Variants in TSPAN32 observed in about 807,000 individuals in gnomAD.
TSPAN32 encodes the protein tetraspanin 32, also known as tetraspanin-32.
A neutral mutation model predicts 42.7 loss-of-function variants in TSPAN32; 47 were observed. The observed-to-expected ratio is 1.10, with a 90% CI of 0.87 to 1.40. The LOEUF (loss-of-function observed/expected upper bound fraction) is 1.40. TSPAN32 is among the 40% of genes most tolerant of loss of function. The pLI is 0.00. For missense variants in TSPAN32, 469 were observed against 424.1 expected, an observed-to-expected ratio of 1.11 and a Z score of -0.93; for synonymous variants, 175 against 175.9, an observed-to-expected ratio of 0.99 and a Z score of 0.04.
chr11:2,305,384 A>G (rs11823682), intron 3 of TSPAN32, among the ~76,000 whole-genome samples: 22,311 of 122,136 alleles, frequency 0.18, 1,998 homozygotes, highest in African/African-American at 0.27. Flanking sequence ...CCCCCCCCAG[A>G]GGGTGTGTGG....
chr11:2,308,947 G>A (rs374007908), intron 4 of TSPAN32, 137 bp downstream of exon 4: 21 of 645,772 alleles, frequency 3.3e-5, no homozygotes, highest in African/African-American at 9.2e-5. Context: ...GGGGGAGACC[G>A]CAGCCTGGGT....
intron 1 of TSPAN32, 80 bp downstream of exon 1, chr11:2,302,295 T>C (rs1301759228): frequency 7.7e-7 from 1 of 1,306,778 alleles, no homozygotes; most frequent in African/African-American, 1.5e-5. Context: ...AGCACAGGGA[T>C]TATCCCTCCC....
Position 2,317,967 on chromosome 11 carries a change from G to A in TSPAN32, c.*43G>A. ...CTGCACTCTCACCTGGAGGCTCCGG[G>A]GAAGCATCTGCCTCCAGGACCATTC... is the stretch of plus-strand genomic sequence containing the variant. On this transcript the variant is annotated 3_prime_UTR_variant, in exon 10 of 10. Coordinates refer to ENST00000182290, the MANE Select transcript of TSPAN32 (RefSeq NM_139022.3). The surrounding 1 kb of genome is among the most constrained non-coding windows in gnomAD (Gnocchi z 6.2). 2.5e-6 allele frequency: 2 copies of A among 798,876 alleles called. No homozygotes were observed. Among genetic ancestry groups the A allele is most frequent in the Non-Finnish European group, 2.3e-6 (1 of 444,394 alleles). 49.5% of individuals were successfully genotyped at this position (798,876 alleles called of 1,614,324 possible).
In TSPAN32 at chr11:2,317,866, T is replaced by G; in HGVS notation, c.905T>G (p.Leu302Arg). 1.1e-5 allele frequency: 17 copies of G among 1,560,452 alleles called. No individual in the cohort carries two copies. Among genetic ancestry groups the G allele is most frequent in the Middle Eastern group, 1.7e-4 (1 of 5,930 alleles). ...LSCHLAAHRA[L>R]QGRSRGGLSG... is the part of the protein sequence containing the mutation. ...GTGCCCATTTATGATCTCGCAGCTC[T>G]CCAGGGCAGAAGTCGCGGTGGGCTC... The change falls in exon 10 of 10, where the codon CTC (leucine) becomes CGC (arginine). Residue 302 changes from leucine to arginine, a missense_variant. Physicochemically the swap from Leu to Arg is moderately radical, Grantham distance 102. Coordinates refer to ENST00000182290, the MANE Select transcript of TSPAN32 (RefSeq NM_139022.3). This position sits in a 1 kb window ranked among gnomAD's most constrained non-coding sequence, Gnocchi z 6.2.
intron 3 of TSPAN32, among the ~76,000 whole-genome samples, chr11:2,307,319 T>A (rs772799902): frequency 1.3e-5 from 2 of 152,146 alleles, no homozygotes; most frequent in Non-Finnish European, 2.9e-5. Context: ...GCACCCATGC[T>A]CCTGGCATCA....
At chr11:2,314,751 A>G in intron 6 of TSPAN32, 180 bp downstream of exon 6, 1 of 601,162 alleles carries the variant, frequency 1.7e-6, no homozygotes, top group Non-Finnish European at 3.0e-6. Context: ...GTTAGGGTTC[A>G]TGGTACGCCA....
rs376926277 is a variant in TSPAN32 at position 2,317,942 on chromosome 11, C to T, written c.*18C>T. 17 of 908,748 alleles carry T rather than the reference C, an allele frequency of 1.9e-5. No homozygotes were observed. The African/African-American group carries it at 2.3e-4, about 12-fold the overall frequency. 56.3% of individuals were successfully genotyped at this position (908,748 alleles called of 1,614,324 possible). On this transcript the variant is annotated 3_prime_UTR_variant, in exon 10 of 10. Coordinates refer to ENST00000182290, the MANE Select transcript of TSPAN32 (RefSeq NM_139022.3). This position sits in a 1 kb window ranked among gnomAD's most constrained non-coding sequence, Gnocchi z 6.2. The stretch of plus-strand genomic sequence containing the variant: ...CAGACTGACGTCAGGCCTTGGTGGG[C>T]TGCACTCTCACCTGGAGGCTCCGGG...
Position 2,313,770 on chromosome 11 carries a change from G to T in TSPAN32, c.456+15G>T, listed in dbSNP as rs376093319. The T allele has an allele frequency of 2.5e-6, 4 of 1,572,158 alleles. No individual in the cohort carries two copies. The Admixed American group carries it at 7.3e-5, about 29-fold the overall frequency. On this transcript the variant is annotated intron_variant, in intron 5 of 9. Transcript: ENST00000182290. This position sits in a 1 kb window ranked among gnomAD's most constrained non-coding sequence, Gnocchi z 9.1. ...TCCAGGACGTGGTGAGCGTGGGGAC[G>T]GCTGGGTGGCAGGGCGGTCAGCTTC...
rs767178490 is a variant in TSPAN32 at position 2,316,639 on chromosome 11, C to T, written c.691C>T (p.Arg231Cys). ...FAIRCGCSLD[R>C]KGKYTLTPRA... ...CATCCGCTGTGGCTGCAGCTTGGAC[C>T]GCAAGGGCAAATACACCCTGACCCC... The change falls in exon 8 of 10, where the codon CGC becomes TGC. Residue 231 changes from arginine to cysteine, a missense_variant. Transcript: ENST00000182290. The T allele has an allele frequency of 1.4e-5, 21 of 1,541,994 alleles. No homozygotes were observed. Among genetic ancestry groups the T allele is most frequent in the Middle Eastern group, 1.7e-4 (1 of 5,716 alleles).
intron 8 of TSPAN32, among the ~76,000 whole-genome samples, chr11:2,316,885 C>A (rs979303051): frequency 1.3e-5 from 2 of 152,058 alleles, no homozygotes; most frequent in East Asian, 3.9e-4. Flanking sequence ...CACATGGGGA[C>A]CCCCCTTTGC....
chr11:2,303,853 G>A (rs927045813), intron 2 of TSPAN32, among the ~76,000 whole-genome samples: 3 of 152,142 alleles, frequency 2.0e-5, no homozygotes, highest in Non-Finnish European at 2.9e-5. Context: ...GGGAGCATGT[G>A]GCTTCCAAGA....
At chr11:2,305,332 G>A (rs1324564074) in intron 3 of TSPAN32, among the ~76,000 whole-genome samples, 1 of 151,878 alleles carries the variant, frequency 6.6e-6, no homozygotes, top group African/African-American at 2.4e-5. Flanking sequence ...AGGGCCAGGT[G>A]GGAGGCCCCA....
rs199740795 is a variant in TSPAN32, at chr11:2,317,908, G to C, written c.947G>C (p.Arg316Pro). The C allele has an allele frequency of 5.7e-6, 7 of 1,233,282 alleles. No homozygotes were observed. In the African/African-American group the frequency reaches 5.9e-5, roughly 10 times the overall value. The allele number at this position is 1,233,282 out of a possible 1,614,324, so 76.4% of individuals were successfully genotyped here. The change falls in exon 10 of 10, where the codon CGG (arginine) becomes CCG (proline). Residue 316 changes from arginine to proline, a missense_variant. By Grantham distance (103) the Arg-to-Pro change is moderately radical (BLOSUM62 -2). Transcript: ENST00000182290. This position sits in a 1 kb window ranked among gnomAD's most constrained non-coding sequence, Gnocchi z 6.2. ...SRGGLSGCPE[R>P]GLSD ...GGTGGGCTCAGTGGGTGCCCTGAGC[G>C]GGGTCTCTCAGACTGACGTCAGGCC...
intron 4 of TSPAN32, among the ~76,000 whole-genome samples, chr11:2,311,579 T>C (rs1393657109): frequency 6.6e-6 from 1 of 152,118 alleles, no homozygotes; most frequent in Non-Finnish European, 1.5e-5. Flanking sequence ...GAGCCAGCTC[T>C]GTACCTGTGG....
Position 2,314,639 on chromosome 11 carries a change from C to G in TSPAN32, c.543+68C>G. On this transcript the variant is annotated intron_variant, in intron 6 of 9. Transcript: ENST00000182290. ...GGCTGGACACCCTGGGGCCCAACCCCAAGACCCAGGGCCATCCTCCCACCC... is the reference window on the plus strand; with the variant it reads ...GGCTGGACACCCTGGGGCCCAACCCGAAGACCCAGGGCCATCCTCCCACCC... 3.7e-6 allele frequency: 5 copies of G among 1,333,592 alleles called. No individual in the cohort carries two copies. In the South Asian group the frequency reaches 3.8e-5, roughly 10 times the overall value. The allele number at this position is 1,333,592 out of a possible 1,614,324, so 82.6% of individuals were successfully genotyped here.
intron 1 of TSPAN32, 93 bp from the exon 2 acceptor site, chr11:2,302,751 G>T (rs2133281896): frequency 1.0e-6 from 1 of 996,218 alleles, no homozygotes; most frequent in East Asian, 2.6e-5. Flanking sequence ...GGACCGGGAA[G>T]CTGGAGAGAG....
intron 4 of TSPAN32, chr11:2,309,531 C>T (rs895477742): frequency 8.4e-6 from 3 of 357,078 alleles, no homozygotes; most frequent in African/African-American, 4.2e-5. Context: ...CCAGGGCAGC[C>T]GGGCGGCACC....
At chr11:2,314,724 G>A (rs1848677212) in intron 6 of TSPAN32, 153 bp downstream of exon 6, 3 of 635,296 alleles carry the variant, frequency 4.7e-6, no homozygotes, top group Non-Finnish European at 8.3e-6. Flanking sequence ...GGAAGGTTCT[G>A]ATGTGATCGG....
At chr11:2,316,486 GC>G (rs1564968236) in intron 7 of TSPAN32, 89 bp from the exon 8 acceptor site, 10 of 1,598,500 alleles carry the variant, frequency 6.3e-6, no homozygotes, top group Non-Finnish European at 7.7e-6. Context: ...CAGCTGGGCC[GC>G]CCCCTTACAC....
Sources: allele counts gnomAD v4.1 joint callset (sites outside exome capture counted in the v4.1 genomes callset), GRCh38; gene constraint gnomAD v4.1.1; non-coding constraint Gnocchi (gnomAD v3.1); transcripts MANE v1.5; gene names NCBI Gene and HGNC (gene_info 2026-07-23, HGNC 2026-07-21).